Variants in SLC16A10 observed in about 807,000 individuals in gnomAD.
SLC16A10 encodes monocarboxylate transporter 10.
A neutral mutation model predicts 40.0 loss-of-function variants in SLC16A10; 27 were observed. The ratio of observed to expected loss-of-function variants is 0.67; its 90% CI spans 0.50 to 0.93. SLC16A10 has a LOEUF of 0.93. Ranked by LOEUF, SLC16A10 falls within the 40% of genes least tolerant of loss-of-function variation. SLC16A10 has a pLI of 0.00. For synonymous variants in SLC16A10, 213 were observed against 249.8 expected (o/e 0.85, Z 1.39); for missense variants, 529 against 658.2 (o/e 0.80, Z 2.15).
chr6:111,199,390 T>C (rs1162491007), intron 3 of SLC16A10, among the ~76,000 whole-genome samples: 1 of 139,292 alleles, frequency 7.2e-6, no homozygotes, highest in Non-Finnish European at 1.6e-5. Flanking sequence ...ATCCGGGAGG[T>C]GGAGGTGGCA....
intron 1 of SLC16A10, among the ~76,000 whole-genome samples, chr6:111,101,833 C>G (rs940887714): frequency 2.0e-5 from 3 of 152,200 alleles, no homozygotes; most frequent in Non-Finnish European, 4.4e-5. Context: ...GTTGGCCAGG[C>G]TGGTCTCAAA....
intron 1 of SLC16A10, among the ~76,000 whole-genome samples, chr6:111,113,656 G>A (rs1007958078): frequency 2.0e-5 from 3 of 152,174 alleles, no homozygotes; most frequent in South Asian, 2.1e-4. Context: ...GTGTTTAAGC[G>A]TGTAAGGCAG....
intron 1 of SLC16A10, among the ~76,000 whole-genome samples, chr6:111,109,000 CG>C (rs1277156852): frequency 6.6e-6 from 1 of 152,022 alleles, no homozygotes; most frequent in Non-Finnish European, 1.5e-5. Flanking sequence ...AGAAAAGAAA[CG>C]TAGATTTAAA....
rs766489981 is a variant in SLC16A10 at position 111,172,828 on chromosome 6, T to C, written c.477T>C (p.Ser159=). 6.2e-7 allele frequency: 1 copy of C among 1,614,018 alleles called. No individual in the cohort carries two copies. Among genetic ancestry groups the C allele is most frequent in the Admixed American group, 1.7e-5 (1 of 60,022 alleles). The change falls in exon 2 of 6, where the codon AGT becomes AGC. Residue 159 remains serine (S), a synonymous_variant. Coordinates refer to ENST00000368851, the MANE Select transcript of SLC16A10 (RefSeq NM_018593.5). ...AAVGFVGLMS[S]SFVSSIEPLY... ...TTGGATTTGTTGGGCTCATGTCCAGTTCTTTTGTAAGGTAAGGACTTGGTT... is the reference window on the plus strand; with the variant it reads ...TTGGATTTGTTGGGCTCATGTCCAGCTCTTTTGTAAGGTAAGGACTTGGTT...
chr6:111,208,596 A>G (rs1420597316), intron 4 of SLC16A10, among the ~76,000 whole-genome samples: 1 of 151,950 alleles, frequency 6.6e-6, no homozygotes, highest in African/African-American at 2.4e-5. Context: ...AAAAAAAATC[A>G]ATCTGGTAAC....
At position 111,122,504 on chromosome 6, in the gene SLC16A10, C is replaced by A. The variant is rs1474449983; in HGVS notation, c.343+34409C>A. On this transcript the variant is annotated intron_variant, in intron 1 of 5. Transcript: ENST00000368851. ...GGGAGGAACCCTTGCCTTTAAAGAA[C>A]CCTGTGCTCTTTAAAGTTTCCAGGG... is the stretch of plus-strand genomic sequence containing the variant. Among the ~76,000 whole-genome samples the A allele has an allele frequency of 2.6e-5, 4 of 152,262 alleles. No homozygotes were observed. The East Asian group carries it at 7.7e-4, about 29-fold the overall frequency.
At chr6:111,192,664 G>T (rs1307394936) in intron 3 of SLC16A10, among the ~76,000 whole-genome samples, 1 of 152,180 alleles carries the variant, frequency 6.6e-6, no homozygotes, top group East Asian at 1.9e-4. Context: ...AAGAAAAGAG[G>T]TTTAATGGAC....
chr6:111,155,043 A>AT (rs1772243078), intron 1 of SLC16A10, among the ~76,000 whole-genome samples: 1 of 150,880 alleles, frequency 6.6e-6, no homozygotes, highest in Non-Finnish European at 1.5e-5. Context: ...AAAAAAAAAA[A>AT]AGACAATTCT....
chr6:111,146,880 A>G (rs1214644850), intron 1 of SLC16A10, among the ~76,000 whole-genome samples: 2 of 152,380 alleles, frequency 1.3e-5, no homozygotes, highest in Non-Finnish European at 2.9e-5. Flanking sequence ...ACAAAAAGCA[A>G]TGAAGTACTG....
At chr6:111,220,086 C>A (rs1296793255) in intron 5 of SLC16A10, among the ~76,000 whole-genome samples, 1 of 151,906 alleles carries the variant, frequency 6.6e-6, no homozygotes, top group African/African-American at 2.4e-5. Context: ...GACCCTGTCT[C>A]AAAATAAAAG....
At chr6:111,202,769 C>T (rs447585) in intron 3 of SLC16A10, among the ~76,000 whole-genome samples, 115,743 of 150,428 alleles carry the variant, frequency 0.77, 45,293 homozygotes, top group Non-Finnish European at 0.85. Context: ...CACCTGTAAT[C>T]CCAGCTACTC....
At chr6:111,122,276 T>C (rs1337601697) in intron 1 of SLC16A10, among the ~76,000 whole-genome samples, 3 of 152,320 alleles carry the variant, frequency 2.0e-5, no homozygotes. Context: ...TTGGCTTTAG[T>C]CTAGTCCACT....
intron 1 of SLC16A10, among the ~76,000 whole-genome samples, chr6:111,097,115 C>T (rs1003595220): frequency 1.3e-5 from 2 of 152,084 alleles, no homozygotes; most frequent in Non-Finnish European, 2.9e-5. Context: ...AGCCACTGTG[C>T]CTGGCCCCAA....
At chr6:111,187,337 T>C (rs1446141472) in intron 3 of SLC16A10, among the ~76,000 whole-genome samples, 7 of 152,150 alleles carry the variant, frequency 4.6e-5, no homozygotes, top group Admixed American at 4.6e-4. Flanking sequence ...GCAAGGATGG[T>C]ACATGGTGCA....
intron 1 of SLC16A10, among the ~76,000 whole-genome samples, chr6:111,102,924 C>T (rs1334085745): frequency 6.6e-6 from 1 of 152,084 alleles, no homozygotes; most frequent in Non-Finnish European, 1.5e-5. Context: ...TTTTATGAGA[C>T]AGGGTCTCGC....
intron 1 of SLC16A10, among the ~76,000 whole-genome samples, 157 bp downstream of exon 1, chr6:111,088,252 C>T (rs1379872400): frequency 6.6e-6 from 1 of 152,122 alleles, no homozygotes; most frequent in Non-Finnish European, 1.5e-5. Flanking sequence ...GCAGACAGAG[C>T]CTGCCGCTTC....
At chr6:111,132,224 A>AAG (rs1229795023) in intron 1 of SLC16A10, among the ~76,000 whole-genome samples, 3 of 152,120 alleles carry the variant, frequency 2.0e-5, no homozygotes, top group African/African-American at 4.8e-5. Context: ...AGGGGAGAGA[A>AAG]AGAGAGAGAG....
At chr6:111,193,121 G>T (rs1773024078) in intron 3 of SLC16A10, among the ~76,000 whole-genome samples, 1 of 152,030 alleles carries the variant, frequency 6.6e-6, no homozygotes, top group Non-Finnish European at 1.5e-5. Flanking sequence ...CAAAGTGCTG[G>T]GATTACAGAT....
intron 3 of SLC16A10, among the ~76,000 whole-genome samples, chr6:111,185,564 A>G (rs540218763): frequency 6.6e-6 from 1 of 152,306 alleles, no homozygotes; most frequent in African/African-American, 2.4e-5. Context: ...TACATTGTGA[A>G]TATGAGAAAA....
Sources: gnomAD v4.1 joint callset for allele counts (sites outside exome capture counted in the v4.1 genomes callset) on GRCh38, gnomAD v4.1.1 for gene constraint, MANE v1.5 for transcripts, NCBI Gene and HGNC (gene_info 2026-07-23, HGNC 2026-07-21) for gene names.